Variants in SUN2 observed in about 807,000 individuals in gnomAD.
The protein encoded by SUN2 is SUN domain-containing protein 2.
SUN2 carries 60 observed loss-of-function variants against 100.0 expected under a neutral mutation model. The observed-to-expected ratio is 0.60, with a 90% CI of 0.49 to 0.74. SUN2 has a LOEUF of 0.74. SUN2 is among the 30% of genes least tolerant of loss of function. The pLI, the probability that SUN2 is intolerant of heterozygous loss-of-function variation, is 0.00. For missense variants in SUN2, 834 were observed against 954.6 expected (o/e 0.87, Z 1.66); for synonymous variants, 367 against 403.3 (o/e 0.91, Z 1.08).
chr22:38,739,097 C>A lies in SUN2; in HGVS notation c.1664-109G>T. 8.7e-7 allele frequency: 1 copy of A among 1,146,816 alleles called. No individual in the cohort carries two copies. Among genetic ancestry groups the A allele is most frequent in the Non-Finnish European group, 1.3e-6 (1 of 784,802 alleles). The allele number at this position is 1,146,816 out of a possible 1,614,324, so 71.0% of individuals were successfully genotyped here. A position where few individuals can be genotyped will look rare whatever the true frequency, so the allele number is the denominator to read the frequency against. ...TGGACGGCAGATGCCCCAGGCCTAG[C>A]CTTTAACCCTAACCGAGATGCTCAG... On this transcript the variant is annotated intron_variant, in intron 14 of 17. Transcript: ENST00000689035. The surrounding 1 kb of genome is among the most constrained non-coding windows in gnomAD (Gnocchi z 6.7).
chr22:38,734,865 C>T lies in SUN2; in HGVS notation c.*1402G>A, dbSNP rs777437912. ...CTGGCTGCCTCGGGATGGAGCGGGG[C>T]GGCCTCACCACCACTGCATCCAGCC... is the stretch of plus-strand genomic sequence containing the variant. On this transcript the variant is annotated 3_prime_UTR_variant, in exon 18 of 18. Transcript: ENST00000689035. 6 of 194,000 alleles carry T rather than the reference C, an allele frequency of 3.1e-5. No homozygotes were observed. Among genetic ancestry groups the T allele is most frequent in the Non-Finnish European group, 5.5e-5 (5 of 91,364 alleles). 12.0% of individuals were successfully genotyped at this position (194,000 alleles called of 1,614,324 possible).
Position 38,739,759 on chromosome 22 carries a change from G to A in SUN2, c.1541C>T (p.Thr514Met), listed in dbSNP as rs567532014. 221 of 1,613,680 alleles carry A rather than the reference G, an allele frequency of 1.4e-4. No individual in the cohort carries two copies. In the South Asian group the frequency reaches 2.1e-3, roughly 15 times the overall value. Reference sequence around the variant, plus strand: ...TCCAATCACACCTTCTTTCTGCAGCGTCAGGCTCAGGGAGGCCGCGGCTTC... The same window carrying A: ...TCCAATCACACCTTCTTTCTGCAGCATCAGGCTCAGGGAGGCCGCGGCTTC... ...AREAAASLSL[T>M]LQKEGVIGVT... Residue 514 changes from threonine to methionine, a missense_variant, in exon 13 of 18, where the codon ACG becomes ATG. Physicochemically the swap from Thr to Met is moderately conservative, Grantham distance 81. Transcript: ENST00000689035. This position sits in a 1 kb window ranked among gnomAD's most constrained non-coding sequence, Gnocchi z 6.7.
chr22:38,755,844 G>A lies in SUN2; in HGVS notation c.-119C>T. ...GGGGCGCGCCCCCTTTCCGCGTGGG[G>A]ATCCCGCGGGCGGCGCTCCGCTCAG... On this transcript the variant is annotated 5_prime_UTR_variant, in exon 1 of 18. Transcript: ENST00000689035. The surrounding 1 kb of genome is among the most constrained non-coding windows in gnomAD (Gnocchi z 5.7). The A allele has an allele frequency of 2.0e-6, 2 of 982,916 alleles. No homozygotes were observed. The highest frequency in any genetic ancestry group is 2.4e-6 in the Non-Finnish European group (2 of 828,962). 60.9% of individuals were successfully genotyped at this position (982,916 alleles called of 1,614,324 possible).
chr22:38,750,798 C>T, intron 4 of SUN2, 100 bp downstream of exon 4: 1 of 1,540,230 alleles, frequency 6.5e-7, no homozygotes, highest in South Asian at 1.2e-5. Flanking sequence ...GTGCCTGCCA[C>T]ATGCTGCCCT....
Position 38,740,993 on chromosome 22 carries a change from G to T in SUN2, c.1190+14C>A. On this transcript the variant is annotated intron_variant, in intron 11 of 17. Coordinates refer to ENST00000689035, the MANE Select transcript of SUN2 (RefSeq NM_015374.3). This position sits in a 1 kb window ranked among gnomAD's most constrained non-coding sequence, Gnocchi z 4.8. ...GGGAGGAGCAGGCCGAGGCCAGCTG[G>T]TGGCGCCCAGTACCTTTGCCACTCT... is the stretch of plus-strand genomic sequence containing the variant. 6.3e-7 allele frequency: 1 copy of T among 1,587,146 alleles called. No homozygotes were observed. Among genetic ancestry groups the T allele is most frequent in the Non-Finnish European group, 8.6e-7 (1 of 1,166,868 alleles).
rs970856623 is a variant in SUN2, at chr22:38,737,989, C to T, written c.2040+184G>A. The T allele has an allele frequency of 1.4e-6, 1 of 716,132 alleles. No individual in the cohort carries two copies. Among genetic ancestry groups the T allele is most frequent in the Non-Finnish European group, 2.6e-6 (1 of 385,900 alleles). 44.4% of individuals were successfully genotyped at this position (716,132 alleles called of 1,614,324 possible). On this transcript the variant is annotated intron_variant, in intron 17 of 17. Coordinates refer to ENST00000689035, the MANE Select transcript of SUN2 (RefSeq NM_015374.3). This position sits in a 1 kb window ranked among gnomAD's most constrained non-coding sequence, Gnocchi z 4.1. ...TGCTGCCCTTCTGGAAGGTGCCTTC[C>T]CCTGTGCTGACGTCTGCAGGATGCG... is the stretch of plus-strand genomic sequence containing the variant.
Position 38,739,475 on chromosome 22 carries a change from C to G in SUN2, c.1579-49G>C. 6.3e-7 allele frequency: 1 copy of G among 1,596,052 alleles called. No homozygotes were observed. The highest frequency in any genetic ancestry group is 8.6e-7 in the Non-Finnish European group (1 of 1,166,160). On this transcript the variant is annotated intron_variant, in intron 13 of 17. Coordinates refer to ENST00000689035, the MANE Select transcript of SUN2 (RefSeq NM_015374.3). The surrounding 1 kb of genome is among the most constrained non-coding windows in gnomAD (Gnocchi z 6.7). ...GGTTGCAGCAGGGAGCAGACGTGTC[C>G]CCCTGTCACCTCGTGGCCGTGGGCC...
In SUN2 at chr22:38,755,965, G is replaced by A. The variant is rs1699240775; in HGVS notation, c.-240C>T. On this transcript the variant is annotated 5_prime_UTR_variant, in exon 1 of 18. Transcript: ENST00000689035. The surrounding 1 kb of genome is among the most constrained non-coding windows in gnomAD (Gnocchi z 5.7). ...CGGACAATGCGGCCGGCGGAGGCCC[G>A]CGCTGCGCGAGTGGGGCCGGGCGGC... 28 of 983,788 alleles carry A rather than the reference G, an allele frequency of 2.8e-5. No individual in the cohort carries two copies. Among genetic ancestry groups the A allele is most frequent in the Middle Eastern group, 5.2e-4 (1 of 1,936 alleles). The allele number at this position is 983,788 out of a possible 1,614,324, so 60.9% of individuals were successfully genotyped here.
Position 38,745,829 on chromosome 22 carries a change from G to T in SUN2, c.686-18C>A. On this transcript the variant is annotated intron_variant, in intron 7 of 17. Transcript: ENST00000689035. Reference sequence around the variant, plus strand: ...CCAAGCACCTGTGCACAGGGGAGAGGGTGTTACCCCAGCTGGGCCTCCAGC... The same window carrying T: ...CCAAGCACCTGTGCACAGGGGAGAGTGTGTTACCCCAGCTGGGCCTCCAGC... The T allele has an allele frequency of 6.2e-7, 1 of 1,611,644 alleles. No homozygotes were observed. Among genetic ancestry groups the T allele is most frequent in the Non-Finnish European group, 8.5e-7 (1 of 1,178,658 alleles).
At chr22:38,752,921 G>A (rs1008985333) in intron 1 of SUN2, among the ~76,000 whole-genome samples, 3 of 152,250 alleles carry the variant, frequency 2.0e-5, no homozygotes, top group African/African-American at 4.8e-5. Flanking sequence ...CTTCCAGGGC[G>A]CTTTCCACAG....
Position 38,740,834 on chromosome 22 carries a change from T to A in SUN2, c.1190+173A>T, listed in dbSNP as rs888267101. 46 of 707,420 alleles carry A rather than the reference T, an allele frequency of 6.5e-5. No homozygotes were observed. In the African/African-American group the frequency reaches 7.6e-4, roughly 12 times the overall value. The allele number at this position is 707,420 out of a possible 1,614,324, so 43.8% of individuals were successfully genotyped here. A position where few individuals can be genotyped will look rare whatever the true frequency, so the allele number is the denominator to read the frequency against. On this transcript the variant is annotated intron_variant, in intron 11 of 17. Transcript: ENST00000689035. This position sits in a 1 kb window ranked among gnomAD's most constrained non-coding sequence, Gnocchi z 4.8. ...CCCCCCTGCTAACCTCCATGGCACC[T>A]CAAAGACAGGCCCTGGGCAGGGGTC...
At chr22:38,749,706 T>G in intron 6 of SUN2, 60 bp downstream of exon 6, 1 of 1,488,510 alleles carries the variant, frequency 6.7e-7, no homozygotes, top group Non-Finnish European at 9.3e-7. Context: ...TTGACACACT[T>G]TACCCGTCCC....
rs972157489 is a variant in SUN2, at chr22:38,740,575, G to C, written c.1191-143C>G. The C allele has an allele frequency of 5.6e-6, 5 of 885,660 alleles. No homozygotes were observed. The South Asian group carries it at 1.1e-4, about 20-fold the overall frequency. The allele number at this position is 885,660 out of a possible 1,614,324, so 54.9% of individuals were successfully genotyped here. A position where few individuals can be genotyped will look rare whatever the true frequency, so the allele number is the denominator to read the frequency against. Reference sequence around the variant, plus strand: ...CATTGTGAACCTGAGAAGGGGCAAGGCCTCTCCTGGGGGTTCTGGCTGCAG... The same window carrying C: ...CATTGTGAACCTGAGAAGGGGCAAGCCCTCTCCTGGGGGTTCTGGCTGCAG... On this transcript the variant is annotated intron_variant, in intron 11 of 17. Transcript: ENST00000689035. The surrounding 1 kb of genome is among the most constrained non-coding windows in gnomAD (Gnocchi z 4.8).
intron 2 of SUN2, among the ~76,000 whole-genome samples, chr22:38,752,207 T>C (rs2092950546): frequency 6.6e-6 from 1 of 152,190 alleles, no homozygotes; most frequent in Non-Finnish European, 1.5e-5. Context: ...CCACCTCCCT[T>C]GGCCTCCCAA....
At chr22:38,741,674 T>G in intron 9 of SUN2, 103 bp from the exon 10 acceptor site, 2 of 1,090,236 alleles carry the variant, frequency 1.8e-6, no homozygotes, top group Non-Finnish European at 2.7e-6. Context: ...GTCTGTTTGC[T>G]TCCAGAGCCC....
chr22:38,748,973 CT>C, intron 6 of SUN2, 190 bp from the exon 7 acceptor site: 1 of 554,862 alleles, frequency 1.8e-6, no homozygotes, highest in South Asian at 2.7e-5. Context: ...CTGGGCAGGT[CT>C]TAGAGTGATG....
At chr22:38,753,067 G>A (rs1201065376) in intron 1 of SUN2, among the ~76,000 whole-genome samples, 6 of 152,134 alleles carry the variant, frequency 3.9e-5, no homozygotes, top group Non-Finnish European at 7.3e-5. Context: ...ACGCCCGGTG[G>A]TCCAGCCACC....
At chr22:38,754,143 A>G (rs564689940) in intron 1 of SUN2, among the ~76,000 whole-genome samples, 3 of 152,334 alleles carry the variant, frequency 2.0e-5, no homozygotes, top group South Asian at 2.1e-4. Flanking sequence ...AAGAGGTAGC[A>G]TTCTGTGACA....
rs1017972210 is a variant in SUN2 at position 38,755,230 on chromosome 22, C to T, written c.-38+533G>A. 1 of 1,182,852 alleles carries T rather than the reference C, an allele frequency of 8.5e-7. No homozygotes were observed. The highest frequency in any genetic ancestry group is 1.6e-5 in the African/African-American group (1 of 62,400). The allele number at this position is 1,182,852 out of a possible 1,614,324, so 73.3% of individuals were successfully genotyped here. A position where few individuals can be genotyped will look rare whatever the true frequency, so the allele number is the denominator to read the frequency against. ...ACGCCCTTGTGGGACCTGCCAAACG[C>T]CCGGTGCTAACTCCCTCTGCCCTCA... On this transcript the variant is annotated intron_variant, in intron 1 of 17. Coordinates refer to ENST00000689035, the MANE Select transcript of SUN2 (RefSeq NM_015374.3). The surrounding 1 kb of genome is among the most constrained non-coding windows in gnomAD (Gnocchi z 5.7).
Sources: allele counts gnomAD v4.1 joint callset (sites outside exome capture counted in the v4.1 genomes callset), GRCh38; gene constraint gnomAD v4.1.1; non-coding constraint Gnocchi (gnomAD v3.1); transcripts MANE v1.5; gene names NCBI Gene and HGNC (gene_info 2026-07-23, HGNC 2026-07-21).